PRDM11: variants seen among roughly 807,000 people sequenced by gnomAD.
PRDM11 encodes the protein PR domain-containing protein 11.
In PRDM11, 20 loss-of-function variants were observed where a neutral mutation model predicts 97.8. The observed-to-expected ratio is 0.20, with a 90% CI of 0.14 to 0.30. The LOEUF (loss-of-function observed/expected upper bound fraction) is 0.30. PRDM11 is among the 10% of genes least tolerant of loss of function. PRDM11 has a pLI of 1.00. For synonymous variants in PRDM11, 599 were observed against 637.7 expected, an observed-to-expected ratio of 0.94 and a Z score of 0.91; for missense variants, 1,139 against 1,555.2, an observed-to-expected ratio of 0.73 and a Z score of 4.50.
chr11:45,171,089 GTTGTTGTT>G (rs1369762084), intron 1 of PRDM11, among the ~76,000 whole-genome samples: 2 of 151,894 alleles, frequency 1.3e-5, no homozygotes, highest in Admixed American at 1.3e-4. Flanking sequence ...TGTTGTTGTT[GTTGTTGTT>G]TTGTTGTTTT....
chr11:45,203,071 T>C (rs1853386185), intron 4 of PRDM11, among the ~76,000 whole-genome samples: 1 of 152,092 alleles, frequency 6.6e-6, no homozygotes, highest in Admixed American at 6.5e-5. Flanking sequence ...CTGATTTACA[T>C]TGATAAAGGG....
At chr11:45,177,381 T>C (rs941357042) in intron 1 of PRDM11, among the ~76,000 whole-genome samples, 1 of 152,200 alleles carries the variant, frequency 6.6e-6, no homozygotes, top group Non-Finnish European at 1.5e-5. Context: ...AGACTTTTGC[T>C]GGGCAGGTAG....
At chr11:45,096,079 G>C (rs1450513196) in intron 1 of PRDM11, among the ~76,000 whole-genome samples, 1 of 152,146 alleles carries the variant, frequency 6.6e-6, no homozygotes, top group Non-Finnish European at 1.5e-5. Flanking sequence ...CCTTCTCACT[G>C]TCAAGTGGAA....
chr11:45,219,445 G>A lies in PRDM11; in HGVS notation c.555-125G>A. ...CGGACAGGGCAGCTGCTCTGCTGAT[G>A]TTCACATGGGCCCACGTGCCTGTGG... On this transcript the variant is annotated intron_variant, in intron 5 of 7. Coordinates refer to ENST00000683152, the MANE Select transcript of PRDM11 (RefSeq NM_001384648.1). This position sits in a 1 kb window ranked among gnomAD's most constrained non-coding sequence, Gnocchi z 4.2. 1 of 930,000 alleles carries A rather than the reference G, an allele frequency of 1.1e-6. No individual in the cohort carries two copies. Among genetic ancestry groups the A allele is most frequent in the East Asian group, 2.7e-5 (1 of 37,684 alleles). 57.6% of individuals were successfully genotyped at this position (930,000 alleles called of 1,614,324 possible).
chr11:45,174,024 CT>C (rs1852267973), intron 1 of PRDM11, among the ~76,000 whole-genome samples: 1 of 152,202 alleles, frequency 6.6e-6, no homozygotes. Flanking sequence ...CTTAGAACTC[CT>C]TTTCCTGCCT....
chr11:45,198,632 G>A lies in PRDM11; in HGVS notation c.487-6079G>A, dbSNP rs533132552. Among the ~76,000 whole-genome samples, 54 of 152,316 alleles carry A rather than the reference G, an allele frequency of 3.5e-4. No homozygotes were observed. The South Asian group carries it at 4.6e-3, about 13-fold the overall frequency. On this transcript the variant is annotated intron_variant, in intron 4 of 7. Coordinates refer to ENST00000683152, the MANE Select transcript of PRDM11 (RefSeq NM_001384648.1). Reference sequence around the variant, plus strand: ...GGAGCCCAACAGTGAATCTTCGACTGGGGCAGACAGACATTCTGTTGCAAA... The same window carrying A: ...GGAGCCCAACAGTGAATCTTCGACTAGGGCAGACAGACATTCTGTTGCAAA...
chr11:45,169,703 G>A (rs1852155231), intron 1 of PRDM11, among the ~76,000 whole-genome samples: 1 of 141,424 alleles, frequency 7.1e-6, no homozygotes, highest in Non-Finnish European at 1.5e-5. Flanking sequence ...CCCAGGCCCA[G>A]AGAAGTTAAG....
chr11:45,147,178 A>G (rs1488874441), intron 1 of PRDM11, among the ~76,000 whole-genome samples: 2 of 151,512 alleles, frequency 1.3e-5, no homozygotes, highest in African/African-American at 4.8e-5. Context: ...TCGCCTTGTT[A>G]CAATGTAGCC....
At position 45,165,050 on chromosome 11, in the gene PRDM11, C is replaced by T. The variant is rs138817055; in HGVS notation, c.-6-16711C>T. Among the ~76,000 whole-genome samples, 246 of 152,164 alleles carry T rather than the reference C, an allele frequency of 1.6e-3. 4 individuals are homozygous for T. Among genetic ancestry groups the T allele is most frequent in the South Asian group, 0.01 (49 of 4,814 alleles). On this transcript the variant is annotated intron_variant, in intron 1 of 7. Coordinates refer to ENST00000683152, the MANE Select transcript of PRDM11 (RefSeq NM_001384648.1). Reference sequence around the variant, plus strand: ...CATCCCCATTTTATGTGGCAGGGGGCGGGGGTAACGAAAGGCACAGAAGGT... The same window carrying T: ...CATCCCCATTTTATGTGGCAGGGGGTGGGGGTAACGAAAGGCACAGAAGGT...
chr11:45,135,282 A>G (rs1358328604), intron 1 of PRDM11, among the ~76,000 whole-genome samples: 1 of 152,220 alleles, frequency 6.6e-6, no homozygotes, highest in African/African-American at 2.4e-5. Context: ...ATTCCTAATC[A>G]TTGTTTTGGA....
At chr11:45,107,318 C>T (rs971116191) in intron 1 of PRDM11, among the ~76,000 whole-genome samples, 3 of 152,208 alleles carry the variant, frequency 2.0e-5, no homozygotes, top group Non-Finnish European at 4.4e-5. Context: ...TCCACTTTCT[C>T]ACCTGCAAAA....
intron 1 of PRDM11, among the ~76,000 whole-genome samples, chr11:45,113,876 G>A (rs1412263466): frequency 6.0e-5 from 9 of 149,616 alleles, no homozygotes; most frequent in African/African-American, 2.2e-4. Flanking sequence ...GTATCCTGAG[G>A]CTCTACTGGA....
intron 1 of PRDM11, among the ~76,000 whole-genome samples, chr11:45,113,766 G>A (rs1184183765): frequency 6.8e-6 from 1 of 147,098 alleles, no homozygotes; most frequent in Non-Finnish European, 1.5e-5. Flanking sequence ...GGTTGTTGTT[G>A]GTGTATAAGA....
chr11:45,134,290 T>C (rs1409653036), intron 1 of PRDM11, among the ~76,000 whole-genome samples: 2 of 152,202 alleles, frequency 1.3e-5, no homozygotes, highest in Admixed American at 1.3e-4. Context: ...TACGATCATG[T>C]TCCTTGAGAC....
At chr11:45,103,323 TG>T (rs1025990359) in intron 1 of PRDM11, among the ~76,000 whole-genome samples, 4 of 151,552 alleles carry the variant, frequency 2.6e-5, no homozygotes, top group African/African-American at 9.7e-5. Context: ...CTACAGCAAA[TG>T]GGGGGACTGG....
intron 1 of PRDM11, among the ~76,000 whole-genome samples, chr11:45,134,700 C>CG (rs1491566533): frequency 2.5e-4 from 3 of 12,202 alleles, no homozygotes; most frequent in African/African-American, 6.5e-4. Flanking sequence ...CCCTGTCTCA[C>CG]GAAAAAAAAA....
chr11:45,171,609 T>G (rs1852203087), intron 1 of PRDM11, among the ~76,000 whole-genome samples: 1 of 152,174 alleles, frequency 6.6e-6, no homozygotes, highest in Non-Finnish European at 1.5e-5. Flanking sequence ...TCAAGGCAGA[T>G]GCTTTACAGA....
intron 1 of PRDM11, among the ~76,000 whole-genome samples, chr11:45,124,391 T>C (rs1021537715): frequency 5.3e-5 from 8 of 151,874 alleles, no homozygotes; most frequent in Non-Finnish European, 1.0e-4. Flanking sequence ...TGAATAGGAG[T>C]GGTGAGAGAG....
chr11:45,117,623 T>C (rs1024501653), intron 1 of PRDM11, among the ~76,000 whole-genome samples: 1 of 152,142 alleles, frequency 6.6e-6, no homozygotes, highest in Non-Finnish European at 1.5e-5. Flanking sequence ...GGCGTGCACC[T>C]GTACACCCAG....
Sources: allele counts gnomAD v4.1 joint callset (sites outside exome capture counted in the v4.1 genomes callset), GRCh38; gene constraint gnomAD v4.1.1; non-coding constraint Gnocchi (gnomAD v3.1); transcripts MANE v1.5; gene names NCBI Gene and HGNC (gene_info 2026-07-23, HGNC 2026-07-21).